ACKR2: variants seen among roughly 807,000 people sequenced by gnomAD.
The protein encoded by ACKR2 is C-C chemokine receptor D6.
For missense variants in ACKR2, 457 were observed against 477.3 expected (o/e 0.96, Z 0.40); for synonymous variants, 207 against 192.2 (o/e 1.08, Z -0.64).
At chr3:42,862,265 T>C (rs1197673029) in intron 2 of ACKR2, among the ~76,000 whole-genome samples, 1 of 152,164 alleles carries the variant, frequency 6.6e-6, no homozygotes, top group Non-Finnish European at 1.5e-5. Flanking sequence ...TCACAAATGC[T>C]ACAAAGAGAA....
At chr3:42,828,601 G>T (rs1455791231) in intron 2 of ACKR2, among the ~76,000 whole-genome samples, 3 of 152,182 alleles carry the variant, frequency 2.0e-5, no homozygotes, top group Non-Finnish European at 4.4e-5. Context: ...GTCTGTGAAT[G>T]TTCTGGGAAG....
intron 2 of ACKR2, among the ~76,000 whole-genome samples, chr3:42,836,604 C>G (rs1575382259): frequency 6.6e-6 from 1 of 152,182 alleles, no homozygotes; most frequent in East Asian, 1.9e-4. Flanking sequence ...GGCTCTAGAC[C>G]ATTCTTGAGG....
At chr3:42,860,794 A>C (rs1256731487) in intron 2 of ACKR2, among the ~76,000 whole-genome samples, 1 of 152,212 alleles carries the variant, frequency 6.6e-6, no homozygotes, top group Non-Finnish European at 1.5e-5. Flanking sequence ...GGCAGAAATA[A>C]ATAAGCTCTT....
rs1301030095 is a variant in ACKR2 at position 42,852,982 on chromosome 3, A to G, written c.-37-11484A>G. 4.6e-5 allele frequency among the ~76,000 whole-genome samples: 7 copies of G among 152,174 alleles called. No homozygotes were observed. Among genetic ancestry groups the G allele is most frequent in the Non-Finnish European group, 1.0e-4 (7 of 68,040 alleles). On this transcript the variant is annotated intron_variant, in intron 2 of 2. Transcript: ENST00000422265. This position sits in a 1 kb window ranked among gnomAD's most constrained non-coding sequence, Gnocchi z 4.3. ...GTGGCCCTGGATTTCCTGGGAAACT[A>G]GAGAGGCGATACCTGTTCACCCCTT... is the stretch of plus-strand genomic sequence containing the variant.
At chr3:42,823,703 C>T (rs1424598045) in intron 2 of ACKR2, among the ~76,000 whole-genome samples, 1 of 152,204 alleles carries the variant, frequency 6.6e-6, no homozygotes, top group Non-Finnish European at 1.5e-5. Context: ...GGAACTAACA[C>T]AGTTGCATAG....
At chr3:42,828,092 ATTT>A (rs71072742) in intron 2 of ACKR2, among the ~76,000 whole-genome samples, 2 of 121,896 alleles carry the variant, frequency 1.6e-5, no homozygotes, top group African/African-American at 3.2e-5. Context: ...ATATATATAT[ATTT>A]TTTTTTTTTT....
intron 1 of ACKR2, among the ~76,000 whole-genome samples, chr3:42,816,265 A>T (rs17317763): frequency 6.6e-6 from 1 of 151,664 alleles, no homozygotes; most frequent in African/African-American, 2.4e-5. Flanking sequence ...GGGTTTCCAT[A>T]AAAATCATAA....
chr3:42,834,026 G>C (rs929369124), intron 2 of ACKR2, among the ~76,000 whole-genome samples: 2 of 152,206 alleles, frequency 1.3e-5, no homozygotes, highest in East Asian at 3.9e-4. Flanking sequence ...GCAGTGGTGC[G>C]ATCTTGGCTC....
intron 1 of ACKR2, 101 bp from the exon 2 acceptor site, chr3:42,819,530 C>CTCTTTCCAGTAG (rs1443097081): frequency 3.3e-5 from 5 of 152,036 alleles, no homozygotes; most frequent in Non-Finnish European, 4.4e-5. Flanking sequence ...TGTTTCCTGG[C>CTCTTTCCAGTAG]ACACGGTATG....
intron 2 of ACKR2, among the ~76,000 whole-genome samples, chr3:42,836,968 G>A (rs1700992345): frequency 6.6e-6 from 1 of 152,154 alleles, no homozygotes; most frequent in African/African-American, 2.4e-5. Context: ...TTTTGCAGTG[G>A]TTGTCTGACA....
At chr3:42,835,722 C>T (rs543360398) in intron 2 of ACKR2, 5 of 152,428 alleles carry the variant, frequency 3.3e-5, no homozygotes, top group South Asian at 2.1e-4. Context: ...TCAGCGTCTG[C>T]TCTCTGTAAT....
Position 42,852,772 on chromosome 3 carries a change from CTTTTGT to C in ACKR2, c.-37-11683_-37-11678del, listed in dbSNP as rs1449691240. On this transcript the variant is annotated intron_variant, in intron 2 of 2. Coordinates refer to ENST00000422265, the MANE Select transcript of ACKR2 (RefSeq NM_001296.5). This position sits in a 1 kb window ranked among gnomAD's most constrained non-coding sequence, Gnocchi z 4.3. The stretch of plus-strand genomic sequence containing the variant: ...TTTGCAGTGGTAGCATCTCAGGGGA[CTTTTGT>C]TTTTGTTTTTTGGCCTCTTTTCTAT... Among the ~76,000 whole-genome samples, 2 of 152,130 alleles carry C rather than the reference CTTTTGT, an allele frequency of 1.3e-5. No individual in the cohort carries two copies. The highest frequency in any genetic ancestry group is 6.5e-5 in the Admixed American group (1 of 15,274).
chr3:42,828,092 A>ATATATTTTTTTTTTTTTTTTTTT (rs1193533555), intron 2 of ACKR2, among the ~76,000 whole-genome samples: 1 of 121,902 alleles, frequency 8.2e-6, no homozygotes, highest in Non-Finnish European at 1.7e-5. Context: ...ATATATATAT[A>ATATATTTTTTTTTTTTTTTTTTT]TTTTTTTTTT....
intron 2 of ACKR2, among the ~76,000 whole-genome samples, chr3:42,828,092 A>ATATATATATTTTTTTTTT (rs1193533555): frequency 2.5e-5 from 3 of 121,900 alleles, no homozygotes; most frequent in African/African-American, 9.7e-5. Context: ...ATATATATAT[A>ATATATATATTTTTTTTTT]TTTTTTTTTT....
intron 2 of ACKR2, chr3:42,856,341 G>A (rs1245209364): frequency 1.4e-6 from 1 of 701,430 alleles, no homozygotes; most frequent in Admixed American, 2.0e-5. Flanking sequence ...CAGAGTGGGA[G>A]GACTCCAGGG....
intron 2 of ACKR2, among the ~76,000 whole-genome samples, chr3:42,836,952 A>G (rs1041964123): frequency 6.6e-6 from 1 of 152,142 alleles, no homozygotes; most frequent in African/African-American, 2.4e-5. Flanking sequence ...TTCTCTTTCA[A>G]ATGTCTTTTG....
chr3:42,838,849 A>G (rs1317914298), intron 2 of ACKR2, among the ~76,000 whole-genome samples: 4 of 152,210 alleles, frequency 2.6e-5, no homozygotes, highest in African/African-American at 9.7e-5. Flanking sequence ...TGCATCTGTA[A>G]ATGTTGCTAG....
intron 2 of ACKR2, among the ~76,000 whole-genome samples, chr3:42,822,678 C>A (rs907169523): frequency 3.9e-5 from 6 of 152,026 alleles, no homozygotes; most frequent in South Asian, 2.1e-4. Context: ...CATGGTGAAA[C>A]CCTGTCTCTA....
intron 2 of ACKR2, among the ~76,000 whole-genome samples, chr3:42,851,712 G>A (rs569865647): frequency 1.3e-5 from 2 of 152,250 alleles, no homozygotes; most frequent in South Asian, 4.1e-4. Flanking sequence ...GAAAACCCCT[G>A]AGAGTTGGTT....
Sources: gnomAD v4.1 joint callset for allele counts (sites outside exome capture counted in the v4.1 genomes callset) on GRCh38, gnomAD v4.1.1 for gene constraint, Gnocchi (gnomAD v3.1) non-coding constraint, MANE v1.5 for transcripts, NCBI Gene and HGNC (gene_info 2026-07-23, HGNC 2026-07-21) for gene names.